MYSM1: variants seen among roughly 807,000 people sequenced by gnomAD.
MYSM1 encodes the protein Myb like, SWIRM and MPN domains 1, also known as deubiquitinase MYSM1.
MYSM1 carries 51 observed loss-of-function variants against 116.0 expected under a neutral mutation model. The ratio of observed to expected loss-of-function variants is 0.44; its 90% confidence interval spans 0.35 to 0.56. MYSM1 has a LOEUF of 0.56. Among genes scored for constraint, MYSM1 ranks in the 20% least tolerant of loss-of-function variants. MYSM1 has a pLI of 0.00. For synonymous variants in MYSM1, 313 were observed against 315.2 expected (o/e 0.99, Z 0.07); for missense variants, 900 against 974.9 (o/e 0.92, Z 1.02).
chr1:58,674,400 C>G (rs2100624774), intron 10 of MYSM1, among the ~76,000 whole-genome samples: 1 of 152,182 alleles, frequency 6.6e-6, no homozygotes, highest in Non-Finnish European at 1.5e-5. Context: ...AATAGTGAGG[C>G]CTTTAAAATG....
intron 8 of MYSM1, among the ~76,000 whole-genome samples, chr1:58,680,824 ATT>A (rs11460082): frequency 2.7e-5 from 4 of 145,800 alleles, no homozygotes; most frequent in Admixed American, 2.0e-4. Flanking sequence ...TTTAAAAATA[ATT>A]TTTTTTTTTT....
At chr1:58,692,760 T>A (rs1644920564) in intron 3 of MYSM1, 101 bp downstream of exon 3, 1 of 766,832 alleles carries the variant, frequency 1.3e-6, no homozygotes, top group Non-Finnish European at 2.1e-6. Flanking sequence ...TCTGGTGCTG[T>A]ATAAAATCCA....
At chr1:58,660,427 C>T (rs891131029) in intron 19 of MYSM1, among the ~76,000 whole-genome samples, 9 of 152,024 alleles carry the variant, frequency 5.9e-5, no homozygotes, top group African/African-American at 1.4e-4. Context: ...CTACTTCGGA[C>T]GTATTTGCGA....
chr1:58,698,102 A>ATATATATATATATATATATTT, intron 1 of MYSM1, among the ~76,000 whole-genome samples: 1 of 7,770 alleles, frequency 1.3e-4, no homozygotes, highest in African/African-American at 2.6e-4. Context: ...ATATATATAT[A>ATATATATATATATATATATTT]TTTTTTTTTT....
Position 58,688,287 on chromosome 1 carries a change from C to T in MYSM1, c.399+751G>A, listed in dbSNP as rs150064215. Among the ~76,000 whole-genome samples, 904 of 151,318 alleles carry T rather than the reference C, an allele frequency of 6.0e-3. 5 individuals carry two copies. Among genetic ancestry groups the T allele is most frequent in the Middle Eastern group, 0.017 (5 of 290 alleles). ...TGTTAATGATACTTCAATTAGCATA[C>T]ATAAATTTTATATATACAAATATTC... On this transcript the variant is annotated intron_variant, in intron 6 of 19. Transcript: ENST00000472487.
chr1:58,664,419 T>A (rs561280453), intron 17 of MYSM1, among the ~76,000 whole-genome samples: 1 of 152,278 alleles, frequency 6.6e-6, no homozygotes, highest in African/African-American at 2.4e-5. Flanking sequence ...ATTTATTAGG[T>A]GCTACTTGAG....
At chr1:58,699,834 G>A in intron 1 of MYSM1, 151 bp downstream of exon 1, 1 of 1,416,400 alleles carries the variant, frequency 7.1e-7, no homozygotes, top group South Asian at 1.5e-5. Context: ...CAAGCCGGCG[G>A]GCGAGGTGCC....
chr1:58,681,499 C>G (rs1201415540), intron 8 of MYSM1, among the ~76,000 whole-genome samples: 1 of 152,206 alleles, frequency 6.6e-6, no homozygotes, highest in Admixed American at 6.5e-5. Context: ...CAGTGGTGTT[C>G]TCTCTATATC....
intron 3 of MYSM1, 128 bp from the exon 4 acceptor site, chr1:58,690,545 C>T (rs989402770): frequency 8.7e-6 from 5 of 574,620 alleles, no homozygotes; most frequent in African/African-American, 7.8e-5. Flanking sequence ...GAAGTGACTA[C>T]AAGAAACAGC....
chr1:58,696,179 A>ACCAG (rs1349780391), intron 1 of MYSM1, among the ~76,000 whole-genome samples: 1 of 152,222 alleles, frequency 6.6e-6, no homozygotes, highest in East Asian at 1.9e-4. Flanking sequence ...CAGGAAGGGT[A>ACCAG]AATAAAGGAT....
chr1:58,668,772 A>T (rs1359364971), intron 13 of MYSM1, 90 bp from the exon 14 acceptor site: 1 of 1,197,838 alleles, frequency 8.3e-7, no homozygotes, highest in Non-Finnish European at 1.2e-6. Flanking sequence ...GTTCTCCTTT[A>T]TCCACCCCAC....
chr1:58,659,366 A>T lies in MYSM1; in HGVS notation c.*631T>A, dbSNP rs1461879750. On this transcript the variant is annotated 3_prime_UTR_variant, in exon 20 of 20. Coordinates refer to ENST00000472487, the MANE Select transcript of MYSM1 (RefSeq NM_001085487.3). ...ATTTTCAGATAGCTGAGAAAATGGC[A>T]TATCTTATGATACTACTGCTATACA... 1 of 152,168 alleles carries T rather than the reference A, an allele frequency of 6.6e-6. No homozygotes were observed. Among genetic ancestry groups the T allele is most frequent in the East Asian group, 1.9e-4 (1 of 5,198 alleles). 9.4% of individuals were successfully genotyped at this position (152,168 alleles called of 1,614,324 possible). A position where few individuals can be genotyped will look rare whatever the true frequency, so the allele number is the denominator to read the frequency against.
At chr1:58,699,839 G>A (rs749960526) in intron 1 of MYSM1, 146 bp downstream of exon 1, 9 of 1,418,276 alleles carry the variant, frequency 6.3e-6, no homozygotes, top group Non-Finnish European at 8.3e-6. Flanking sequence ...CGGCGGGCGA[G>A]GTGCCTCCCA....
Position 58,661,496 on chromosome 1 carries a change from A to G in MYSM1, c.2180T>C (p.Phe727Ser). 6.3e-7 allele frequency: 1 copy of G among 1,599,456 alleles called. No individual in the cohort carries two copies. Among genetic ancestry groups the G allele is most frequent in the Non-Finnish European group, 8.6e-7 (1 of 1,167,724 alleles). Reference protein sequence around the residue: ...PDGSYRLPYKFEVQQMLEEPQ... With the variant: ...PDGSYRLPYKSEVQQMLEEPQ... ...TTCTTCTAACATCTGCTGTACTTCA[A>G]ATTTGTAAGGTAAGCCTAGAAAAGC... The change falls in exon 18 of 20, where the codon TTT becomes TCT. Residue 727 changes from phenylalanine to serine, a missense_variant. Physicochemically the swap from Phe to Ser is radical, Grantham distance 155. Coordinates refer to ENST00000472487, the MANE Select transcript of MYSM1 (RefSeq NM_001085487.3).
At chr1:58,669,508 G>GT (rs1644523842) in intron 12 of MYSM1, among the ~76,000 whole-genome samples, 1 of 152,114 alleles carries the variant, frequency 6.6e-6, no homozygotes, top group South Asian at 2.1e-4. Flanking sequence ...AGATATTAAT[G>GT]TATTACTCCT....
intron 14 of MYSM1, 109 bp downstream of exon 14, chr1:58,668,523 C>G: frequency 7.1e-7 from 1 of 1,404,242 alleles, no homozygotes; most frequent in Non-Finnish European, 9.3e-7. Flanking sequence ...TAAAAGAGGA[C>G]AGTTAAGATC....
chr1:58,668,850 AG>A, intron 13 of MYSM1, 133 bp downstream of exon 13: 1 of 987,154 alleles, frequency 1.0e-6, no homozygotes, highest in Non-Finnish European at 1.5e-6. Context: ...TTAAAATTCC[AG>A]CAGGGAGAAA....
chr1:58,663,882 T>C (rs915645303), intron 17 of MYSM1, among the ~76,000 whole-genome samples: 2 of 152,302 alleles, frequency 1.3e-5, no homozygotes, highest in South Asian at 4.2e-4. Flanking sequence ...TTGTGCCATA[T>C]CTGAAAACCC....
chr1:58,657,052 T>G lies in MYSM1; in HGVS notation c.*2945A>C, dbSNP rs148901760. 2.0e-5 allele frequency: 3 copies of G among 152,200 alleles called. No individual in the cohort carries two copies. The highest frequency in any genetic ancestry group is 1.9e-4 in the East Asian group (1 of 5,170). The allele number at this position is 152,200 out of a possible 1,614,324, so 9.4% of individuals were successfully genotyped here. The stretch of plus-strand genomic sequence containing the variant: ...AAACTGTAACTGAAGCAATGTAACT[T>G]GAACTGGAAACTGAAGATAATTTAA... On this transcript the variant is annotated 3_prime_UTR_variant, in exon 20 of 20. Coordinates refer to ENST00000472487, the MANE Select transcript of MYSM1 (RefSeq NM_001085487.3).
Sources: allele counts gnomAD v4.1 joint callset (sites outside exome capture counted in the v4.1 genomes callset), GRCh38; gene constraint gnomAD v4.1.1; transcripts MANE v1.5; gene names NCBI Gene and HGNC (gene_info 2026-07-23, HGNC 2026-07-21).